CBX2: variants seen among roughly 807,000 people sequenced by gnomAD.
The protein encoded by CBX2 is chromobox 2.
CBX2 carries 11 observed loss-of-function variants against 21.0 expected under a neutral mutation model. The ratio of observed to expected loss-of-function variants is 0.52; its 90% CI spans 0.33 to 0.87. The LOEUF is 0.87. CBX2 is among the 40% of genes least tolerant of loss of function. The pLI, the probability that CBX2 is intolerant of heterozygous loss-of-function variation, is 0.02. For synonymous variants in CBX2, 364 were observed against 304.6 expected (o/e 1.19, Z -2.03); for missense variants, 746 against 724.3 (o/e 1.03, Z -0.34).
chr17:79,779,788 C>T (rs1598220773), intron 3 of CBX2: 2 of 320,964 alleles, frequency 6.2e-6, no homozygotes, highest in East Asian at 7.0e-5. Context: ...AACAGAAAAC[C>T]AGGAGAGCAG....
chr17:79,780,327 A>G (rs1420111269), intron 3 of CBX2, among the ~76,000 whole-genome samples: 2 of 152,228 alleles, frequency 1.3e-5, no homozygotes, highest in African/African-American at 2.4e-5. Flanking sequence ...CTGTAGCGGG[A>G]CATATTGGGT....
intron 4 of CBX2, chr17:79,782,350 T>C (rs1907289850): frequency 4.1e-6 from 6 of 1,459,662 alleles, no homozygotes; most frequent in Non-Finnish European, 5.4e-6. Flanking sequence ...CTCGGGACTG[T>C]CCTGTCACCC....
At chr17:79,778,078 G>A (rs868943133), upstream of CBX2, 170 of 158,290 alleles carry the variant, frequency 1.1e-3, 1 homozygote, top group Middle Eastern at 0.013. This position sits in a 1 kb window ranked among gnomAD's most constrained non-coding sequence, Gnocchi z 4.8. Flanking sequence ...GCGGGGGCGG[G>A]CGGCGGGCCG....
At position 79,786,054 on chromosome 17, in the gene CBX2, G is replaced by A. The variant is rs1907613614; in HGVS notation, c.*1012G>A. Reference sequence around the variant, plus strand: ...GGGGAGTCCAGTGGGCAGGACCCTTGGCAGGCAAGCCCCTCCCTTCACTCC... The same window carrying A: ...GGGGAGTCCAGTGGGCAGGACCCTTAGCAGGCAAGCCCCTCCCTTCACTCC... On this transcript the variant is annotated 3_prime_UTR_variant, in exon 5 of 5. Coordinates refer to ENST00000310942, the MANE Select transcript of CBX2 (RefSeq NM_005189.3). The A allele has an allele frequency of 6.6e-6, 1 of 152,380 alleles. No individual in the cohort carries two copies. Among genetic ancestry groups the A allele is most frequent in the Admixed American group, 6.5e-5 (1 of 15,292 alleles). 9.4% of individuals were successfully genotyped at this position (152,380 alleles called of 1,614,324 possible).
rs1008529784 is a variant in CBX2 at position 79,785,382 on chromosome 17, G to T, written c.*340G>T. The T allele has an allele frequency of 1.3e-5, 5 of 393,316 alleles. No homozygotes were observed. The Admixed American group carries it at 1.9e-4, about 15-fold the overall frequency. 24.4% of individuals were successfully genotyped at this position (393,316 alleles called of 1,614,324 possible). A position where few individuals can be genotyped will look rare whatever the true frequency, so the allele number is the denominator to read the frequency against. On this transcript the variant is annotated 3_prime_UTR_variant, in exon 5 of 5. Transcript: ENST00000310942. ...TTCTTCATGGCTGCGTTGTTGCTGA[G>T]TTTGAACTGCTCCTCCCTGGCCTGC...
Position 79,785,087 on chromosome 17 carries a change from C to G in CBX2, c.*45C>G. ...GCGCGGTCTTACTCCCCTTCCCTGC[C>G]TATGGTGTCGCTTGGCTAAGTGACT... is the stretch of plus-strand genomic sequence containing the variant. On this transcript the variant is annotated 3_prime_UTR_variant, in exon 5 of 5. Transcript: ENST00000310942. 2 of 1,522,692 alleles carry G rather than the reference C, an allele frequency of 1.3e-6. No individual in the cohort carries two copies. The highest frequency in any genetic ancestry group is 1.8e-6 in the Non-Finnish European group (2 of 1,110,852). 94.3% of individuals were successfully genotyped at this position (1,522,692 alleles called of 1,614,324 possible). A position where few individuals can be genotyped will look rare whatever the true frequency, so the allele number is the denominator to read the frequency against.
chr17:79,781,930 C>G, intron 4 of CBX2, 129 bp downstream of exon 4: 1 of 1,614,180 alleles, frequency 6.2e-7, no homozygotes, highest in Non-Finnish European at 8.5e-7. Context: ...TCCCTCTACT[C>G]GGAAAACAGG....
Position 79,784,240 on chromosome 17 carries a change from G to A in CBX2, c.797G>A (p.Ser266Asn). ...IVHYMNRMTQ[S>N]QAQAASRLAL... ...CACTACATGAACCGGATGACCCAGA[G>A]CCAGGCCCAGGCTGCCAGCAGGTTG... Residue 266 changes from serine (S) to asparagine (N), a missense_variant, in exon 5 of 5, where the codon AGC becomes AAC. Transcript: ENST00000310942. The surrounding 1 kb of genome is among the most constrained non-coding windows in gnomAD (Gnocchi z 5.9). The A allele has an allele frequency of 6.2e-7, 1 of 1,612,984 alleles. No homozygotes were observed. The highest frequency in any genetic ancestry group is 1.1e-5 in the South Asian group (1 of 91,082).
At chr17:79,779,565 G>A in intron 3 of CBX2, 138 bp downstream of exon 3, 3 of 752,214 alleles carry the variant, frequency 4.0e-6, no homozygotes, top group Non-Finnish European at 6.9e-6. Context: ...TGTGTCCAGG[G>A]CCATCTCTGT....
At chr17:79,777,875 A>C (rs2145818448), upstream of CBX2, among the ~76,000 whole-genome samples, 1 of 148,488 alleles carries the variant, frequency 6.7e-6, no homozygotes, top group South Asian at 2.1e-4. Flanking sequence ...CCCAGGCCCG[A>C]AGTCCCTAGG....
Position 79,784,996 on chromosome 17 carries a change from A to G in CBX2, c.1553A>G (p.Lys518Arg). The G allele has an allele frequency of 6.2e-7, 1 of 1,605,120 alleles. No homozygotes were observed. Among genetic ancestry groups the G allele is most frequent in the South Asian group, 1.1e-5 (1 of 91,090 alleles). Residue 518 changes from lysine to arginine, a missense_variant, in exon 5 of 5, where the codon AAG (lysine) becomes AGG (arginine). This residue lies in a region of CBX2 where 701 missense variants were observed against 650.7 expected (regional missense o/e 1.08). Coordinates refer to ENST00000310942, the MANE Select transcript of CBX2 (RefSeq NM_005189.3). The surrounding 1 kb of genome is among the most constrained non-coding windows in gnomAD (Gnocchi z 5.9). ...VTANLITVTV[K>R]ESPTSVGFFN... is the part of the protein sequence containing the mutation. ...GCCAACCTCATCACCGTCACAGTGA[A>G]GGAGTCTCCCACCAGCGTGGGCTTC...
chr17:79,783,737 C>G lies in CBX2; in HGVS notation c.294C>G (p.Pro98=), dbSNP rs782744985. The G allele has an allele frequency of 2.4e-5, 37 of 1,551,902 alleles. No individual in the cohort carries two copies. Among genetic ancestry groups the G allele is most frequent in the African/African-American group, 2.3e-4 (17 of 73,044 alleles). The change falls in exon 5 of 5, where the codon CCC becomes CCG. Residue 98 remains proline (P), a synonymous_variant. Transcript: ENST00000310942. ...CTTCTCCTTTATCTTTCCAGGAACC[C>G]GATGCTCCCTCCAAATCCAAGTCCA... The part of the protein sequence containing the change: ...SCSRRSKLKE[P]DAPSKSKSSS...
rs2145833836 is a variant in CBX2 at position 79,787,317 on chromosome 17, G to C, written c.*2275G>C. The C allele has an allele frequency of 6.5e-6, 1 of 152,808 alleles. No individual in the cohort carries two copies. The highest frequency in any genetic ancestry group is 1.9e-4 in the East Asian group (1 of 5,192). The allele number at this position is 152,808 out of a possible 1,614,324, so 9.5% of individuals were successfully genotyped here. On this transcript the variant is annotated 3_prime_UTR_variant, in exon 5 of 5. Transcript: ENST00000310942. ...TGTCCCTGTCTGCCTGGGCAGGCCA[G>C]ATTCCTCCCCAGCAGCCGGGTCTCT...
intron 3 of CBX2, among the ~76,000 whole-genome samples, chr17:79,781,111 C>T (rs1209471130): frequency 2.0e-5 from 3 of 152,096 alleles, no homozygotes; most frequent in Non-Finnish European, 4.4e-5. Flanking sequence ...CTGCCTCAGA[C>T]CTCGGCACCT....
At position 79,781,720 on chromosome 17, in the gene CBX2, C is replaced by T. The variant is rs782288224; in HGVS notation, c.207C>T (p.Asn69=). ...GGGAACATGAGAAGGAGGTGCAGAA[C>T]CGGAAGAGAGGCAAGAGGCCGAGAG... ...QKKEHEKEVQ[N]RKRGKRPRGR... Residue 69 remains asparagine (N), a synonymous_variant, in exon 4 of 5, where the codon AAC becomes AAT. Coordinates refer to ENST00000310942, the MANE Select transcript of CBX2 (RefSeq NM_005189.3). 4 of 1,613,982 alleles carry T rather than the reference C, an allele frequency of 2.5e-6. No homozygotes were observed. In the South Asian group the frequency reaches 3.3e-5, roughly 13 times the overall value.
At position 79,786,427 on chromosome 17, in the gene CBX2, G is replaced by A. The variant is rs72857316; in HGVS notation, c.*1385G>A. 5,008 of 152,728 alleles carry A rather than the reference G, an allele frequency of 0.033. 117 individuals are homozygous for A. The highest frequency in any genetic ancestry group is 0.046 in the Non-Finnish European group (3,159 of 68,076). 9.5% of individuals were successfully genotyped at this position (152,728 alleles called of 1,614,324 possible). A position where few individuals can be genotyped will look rare whatever the true frequency, so the allele number is the denominator to read the frequency against. The stretch of plus-strand genomic sequence containing the variant: ...GGGGGCCCGCCTGGTAGAGGGTCCC[G>A]GGAAGCTGGATCTGTCAGCCTCGGC... On this transcript the variant is annotated 3_prime_UTR_variant, in exon 5 of 5. Transcript: ENST00000310942.
Position 79,784,680 on chromosome 17 carries a change from A to G in CBX2, c.1237A>G (p.Lys413Glu), listed in dbSNP as rs893794222. ...TMPTDTSKSE[K>E]LASRAVAPPT... ...GCCCACCGACACAAGCAAAAGTGAG[A>G]AGCTGGCTTCCAGAGCAGTGGCGCC... Residue 413 changes from lysine (K) to glutamate (E), a missense_variant, in exon 5 of 5, where the codon AAG becomes GAG. Around this residue, in one of 2 missense-constraint regions of CBX2, gnomAD observed 701 missense variants for 650.7 expected, o/e 1.08. Coordinates refer to ENST00000310942, the MANE Select transcript of CBX2 (RefSeq NM_005189.3). This position sits in a 1 kb window ranked among gnomAD's most constrained non-coding sequence, Gnocchi z 5.9. The G allele has an allele frequency of 1.2e-6, 2 of 1,612,174 alleles. No homozygotes were observed. The highest frequency in any genetic ancestry group is 1.3e-5 in the African/African-American group (1 of 74,910).
At chr17:79,782,538 T>G in intron 4 of CBX2, 1 of 1,086,936 alleles carries the variant, frequency 9.2e-7, no homozygotes, top group Non-Finnish European at 1.1e-6. Flanking sequence ...CCCTGGACCT[T>G]CGCGTGTTGT....
chr17:79,784,370 G>C lies in CBX2; in HGVS notation c.927G>C (p.Pro309=). ...LGMSPPGSKI[P]KAPSGGAVEQ... is the part of the protein sequence containing the mutation. ...TGAGCCCTCCAGGAAGCAAAATCCC[G>C]AAGGCCCCCAGCGGTGGGGCTGTGG... The change falls in exon 5 of 5, where the codon CCG becomes CCC. Residue 309 remains proline (P), a synonymous_variant. Coordinates refer to ENST00000310942, the MANE Select transcript of CBX2 (RefSeq NM_005189.3). This position sits in a 1 kb window ranked among gnomAD's most constrained non-coding sequence, Gnocchi z 5.9. The C allele has an allele frequency of 6.2e-7, 1 of 1,612,910 alleles. No homozygotes were observed. Among genetic ancestry groups the C allele is most frequent in the Non-Finnish European group, 8.5e-7 (1 of 1,179,822 alleles).
Sources: allele counts gnomAD v4.1 joint callset (sites outside exome capture counted in the v4.1 genomes callset), GRCh38; gene constraint gnomAD v4.1.1; regional missense constraint gnomAD v4.1.1; non-coding constraint Gnocchi (gnomAD v3.1); transcripts MANE v1.5; gene names NCBI Gene and HGNC (gene_info 2026-07-23, HGNC 2026-07-21).